The following GALNT17 variants were observed in gnomAD, a reference collection of about 807,000 sequenced individuals.
The protein encoded by GALNT17 is UDP-GalNAc:polypeptide N-acetylgalactosaminyltransferase-like 3.
Under a neutral mutation model 63.7 loss-of-function variants are expected in GALNT17, and 29 were observed. The observed-to-expected ratio is 0.46, with a 90% confidence interval of 0.34 to 0.62. GALNT17 has a LOEUF of 0.62. GALNT17 is among the 20% of genes least tolerant of loss of function. The probability of loss-of-function intolerance (pLI) is 0.01; values close to 1 mark genes in which losing one functional copy is unlikely to be tolerated. For synonymous variants in GALNT17, 305 were observed against 318.3 expected (o/e 0.96, Z 0.45); for missense variants, 603 against 799.6 (o/e 0.75, Z 2.97).
chr7:71,596,859 A>C (rs1789894017), intron 6 of GALNT17, among the ~76,000 whole-genome samples: 1 of 151,870 alleles, frequency 6.6e-6, no homozygotes, highest in Admixed American at 6.6e-5. Flanking sequence ...GAGGAGACCC[A>C]CTCAGGGTTG....
intron 1 of GALNT17, among the ~76,000 whole-genome samples, chr7:71,332,966 G>C (rs993622609): frequency 6.6e-6 from 1 of 152,280 alleles, no homozygotes; most frequent in East Asian, 1.9e-4. Flanking sequence ...GGGATTACAG[G>C]CGTGAGCCAT....
At chr7:71,555,537 AT>A (rs1789150156) in intron 5 of GALNT17, among the ~76,000 whole-genome samples, 1 of 152,026 alleles carries the variant, frequency 6.6e-6, no homozygotes, top group Non-Finnish European at 1.5e-5. Context: ...GGCCCCACCT[AT>A]AACACTGGTG....
intron 1 of GALNT17, among the ~76,000 whole-genome samples, chr7:71,240,813 C>T (rs1320683557): frequency 3.3e-5 from 5 of 151,966 alleles, no homozygotes; most frequent in African/African-American, 4.8e-5. Context: ...TACAGGCGCC[C>T]GCCACCTCGC....
At chr7:71,306,333 G>A (rs1475410421) in intron 1 of GALNT17, among the ~76,000 whole-genome samples, 2 of 152,002 alleles carry the variant, frequency 1.3e-5, no homozygotes, top group African/African-American at 2.4e-5. Context: ...ACATTTTTGG[G>A]CAACAGAACT....
chr7:71,652,001 C>T (rs1004536821), intron 6 of GALNT17, among the ~76,000 whole-genome samples: 5 of 152,172 alleles, frequency 3.3e-5, no homozygotes, highest in African/African-American at 1.2e-4. Context: ...CGTGCCCAGC[C>T]TGGGTTGAAT....
chr7:71,497,735 C>T (rs900570577), intron 5 of GALNT17, among the ~76,000 whole-genome samples: 7 of 152,310 alleles, frequency 4.6e-5, no homozygotes, highest in South Asian at 4.1e-4. Flanking sequence ...AGGTTCATGA[C>T]GTCCACTGCT....
At chr7:71,698,737 A>T (rs1791581386) in intron 9 of GALNT17, among the ~76,000 whole-genome samples, 1 of 152,120 alleles carries the variant, frequency 6.6e-6, no homozygotes, top group Non-Finnish European at 1.5e-5. Context: ...AAGCACAAAG[A>T]GAGATGGTAG....
intron 1 of GALNT17, among the ~76,000 whole-genome samples, chr7:71,213,270 C>T (rs1660478077): frequency 6.6e-6 from 1 of 152,254 alleles, no homozygotes; most frequent in South Asian, 2.1e-4. Flanking sequence ...CTCTTGCTGC[C>T]ACCATGTAAG....
At chr7:71,374,187 T>C (rs768788586) in intron 2 of GALNT17, among the ~76,000 whole-genome samples, 2 of 152,204 alleles carry the variant, frequency 1.3e-5, no homozygotes, top group African/African-American at 2.4e-5. Flanking sequence ...AATAATTCCT[T>C]CTTTTCAGAA....
chr7:71,665,370 G>C, intron 6 of GALNT17, 41 bp from the exon 7 acceptor site: 1 of 1,571,232 alleles, frequency 6.4e-7, no homozygotes, highest in East Asian at 2.3e-5. Context: ...ATAGCCTCTG[G>C]GAATTTCTTT....
intron 5 of GALNT17, among the ~76,000 whole-genome samples, chr7:71,539,677 C>T (rs985095934): frequency 2.8e-5 from 4 of 142,278 alleles, no homozygotes; most frequent in African/African-American, 1.0e-4. Context: ...CACATATGGA[C>T]ACATATCTAT....
intron 1 of GALNT17, among the ~76,000 whole-genome samples, chr7:71,218,201 C>G (rs1413757186): frequency 2.0e-5 from 3 of 152,156 alleles, no homozygotes; most frequent in Non-Finnish European, 4.4e-5. Context: ...GGAGGCCAGC[C>G]TGGCCAACAT....
At chr7:71,408,890 ATG>A (rs1377967524) in intron 3 of GALNT17, among the ~76,000 whole-genome samples, 7 of 151,130 alleles carry the variant, frequency 4.6e-5, no homozygotes, top group African/African-American at 4.9e-5. Context: ...GTCTCTGTAT[ATG>A]TGTGTGTGTG....
Position 71,609,657 on chromosome 7 carries a change from T to TCGAGCA in GALNT17, c.1080+38255_1080+38256insCGAGCA, listed in dbSNP as rs1247980245. On this transcript the variant is annotated intron_variant, in intron 6 of 10. Coordinates refer to ENST00000333538, the MANE Select transcript of GALNT17 (RefSeq NM_022479.3). ...TATGGAGAATAGGATATCCACCCCC[T>TCGAGCA]TGAGCATTTATCCTTTGAATTACAG... 2.0e-5 allele frequency among the ~76,000 whole-genome samples: 3 copies of TCGAGCA among 152,308 alleles called. No homozygotes were observed. The East Asian group carries it at 5.8e-4, about 29-fold the overall frequency.
chr7:71,196,951 G>A (rs1454573011), intron 1 of GALNT17, among the ~76,000 whole-genome samples: 7 of 148,466 alleles, frequency 4.7e-5, no homozygotes, highest in South Asian at 2.1e-4. Context: ...ACTATGCCCC[G>A]CCAATTTTTT....
intron 6 of GALNT17, among the ~76,000 whole-genome samples, chr7:71,607,265 G>A (rs989913302): frequency 6.6e-6 from 1 of 152,150 alleles, no homozygotes; most frequent in Non-Finnish European, 1.5e-5. Flanking sequence ...AGAAACTAAA[G>A]GAGTTCATCA....
intron 1 of GALNT17, among the ~76,000 whole-genome samples, chr7:71,196,963 T>C (rs544655105): frequency 7.0e-6 from 1 of 141,932 alleles, no homozygotes; most frequent in South Asian, 2.2e-4. Context: ...CAATTTTTTT[T>C]TAAAAAATTT....
chr7:71,558,810 T>C (rs997602336), intron 5 of GALNT17, among the ~76,000 whole-genome samples: 3 of 152,224 alleles, frequency 2.0e-5, no homozygotes, highest in African/African-American at 7.2e-5. Context: ...CTAGGGAGTT[T>C]CGATGTGGAT....
In GALNT17 at chr7:71,175,381, A is replaced by G. The variant is rs1788619392; in HGVS notation, c.238+42341A>G. ...CATCTACCTATATCTATTTATTTCT[A>G]TCATCTGTCAATCTGTTATCTATTC... On this transcript the variant is annotated intron_variant, in intron 1 of 10. Transcript: ENST00000333538. Among the ~76,000 whole-genome samples the G allele has an allele frequency of 2.6e-5, 4 of 152,118 alleles. No homozygotes were observed. In the South Asian group the frequency reaches 8.3e-4, roughly 32 times the overall value.
Sources: allele counts gnomAD v4.1 joint callset (sites outside exome capture counted in the v4.1 genomes callset), GRCh38; gene constraint gnomAD v4.1.1; transcripts MANE v1.5; gene names NCBI Gene and HGNC (gene_info 2026-07-23, HGNC 2026-07-21).